Variants in MAPRE3 observed in about 807,000 individuals in gnomAD.
MAPRE3 encodes the protein microtubule associated protein RP/EB family member 3.
Under a neutral mutation model 30.5 loss-of-function variants are expected in MAPRE3, and 2 were observed. The ratio of observed to expected loss-of-function variants is 0.07; its 90% CI spans 0.03 to 0.21. The LOEUF is 0.21. Among genes scored for constraint, MAPRE3 ranks in the 10% least tolerant of loss-of-function variants. MAPRE3 has a pLI of 1.00. For missense variants in MAPRE3, 204 were observed against 351.8 expected (o/e 0.58, Z 3.36); for synonymous variants, 110 against 127.7 (o/e 0.86, Z 0.93).
intron 1 of MAPRE3, among the ~76,000 whole-genome samples, chr2:27,000,225 A>G (rs1017801189): frequency 3.3e-5 from 5 of 152,178 alleles, no homozygotes; most frequent in African/African-American, 1.2e-4. Context: ...AATATCAAGT[A>G]AGTACTGACC....
chr2:26,978,700 C>G (rs1489752785), intron 1 of MAPRE3, among the ~76,000 whole-genome samples: 1 of 152,170 alleles, frequency 6.6e-6, no homozygotes, highest in Non-Finnish European at 1.5e-5. Context: ...ACAGATTATT[C>G]ATATAAATTT....
In MAPRE3 at chr2:27,020,069, G is replaced by A. The variant is rs148801323; in HGVS notation, c.-7-2143G>A. Among the ~76,000 whole-genome samples the A allele has an allele frequency of 1.6e-3, 251 of 152,330 alleles. 1 individual carries two copies. The highest frequency in any genetic ancestry group is 5.9e-3 in the African/African-American group (244 of 41,566). ...CAGCTGATCCCCATATAGTCCCACT[G>A]CGCAGGTCTGGGGCCACAATTGAGA... On this transcript the variant is annotated intron_variant, in intron 1 of 6. Transcript: ENST00000233121.
chr2:26,983,636 G>T (rs1252401557), intron 1 of MAPRE3, among the ~76,000 whole-genome samples: 2 of 152,158 alleles, frequency 1.3e-5, no homozygotes, highest in Non-Finnish European at 2.9e-5. Flanking sequence ...AACTCAGATG[G>T]TTCTCCCAGT....
intron 1 of MAPRE3, among the ~76,000 whole-genome samples, chr2:27,020,788 G>A (rs116366107): frequency 3.1e-3 from 473 of 152,284 alleles, no homozygotes; most frequent in African/African-American, 0.011. Flanking sequence ...GGGGGAGGGC[G>A]GTGGCCAGAC....
chr2:26,993,480 G>A lies in MAPRE3; in HGVS notation c.-8+22678G>A, dbSNP rs148475517. Among the ~76,000 whole-genome samples the A allele has an allele frequency of 5.3e-3, 800 of 152,308 alleles. 7 individuals carry two copies. The highest frequency in any genetic ancestry group is 0.02 in the Middle Eastern group (6 of 294). ...CATCAGTCACTTCAGGCTGTTTGGT[G>A]TCAAAATTACAGAGTCCCCCACCAT... is the stretch of plus-strand genomic sequence containing the variant. On this transcript the variant is annotated intron_variant, in intron 1 of 6. Coordinates refer to ENST00000233121, the MANE Select transcript of MAPRE3 (RefSeq NM_012326.4).
At chr2:26,992,413 TG>T (rs1666363088) in intron 1 of MAPRE3, among the ~76,000 whole-genome samples, 1 of 151,972 alleles carries the variant, frequency 6.6e-6, no homozygotes, top group African/African-American at 2.4e-5. Context: ...TTAGTAGAGA[TG>T]GGGTTTCTCC....
At chr2:26,993,521 C>T (rs1666394377) in intron 1 of MAPRE3, among the ~76,000 whole-genome samples, 1 of 152,206 alleles carries the variant, frequency 6.6e-6, no homozygotes, top group African/African-American at 2.4e-5. Context: ...ACCAGTTTCT[C>T]TACTTAGAGC....
chr2:27,022,568 T>C, intron 2 of MAPRE3: 1 of 510,288 alleles, frequency 2.0e-6, no homozygotes, highest in African/African-American at 1.9e-5. Context: ...TGGTATAGCC[T>C]ACTACTCCTA....
chr2:26,995,509 G>A (rs941428582), intron 1 of MAPRE3: 2 of 152,186 alleles, frequency 1.3e-5, no homozygotes, highest in Non-Finnish European at 2.9e-5. Context: ...CAAGACTCAA[G>A]AGCCAGCTGT....
At position 27,026,336 on chromosome 2, in the gene MAPRE3, G is replaced by C; in HGVS notation, c.834G>C (p.Gln278His). ...DEIEEHQQED[Q>H]DEY ...TTGAAGAGCATCAACAAGAAGACCA[G>C]GACGAGTACTGAGGGCGGCCGCAGC... Residue 278 changes from glutamine to histidine, a missense_variant, in exon 7 of 7, where the codon CAG becomes CAC. Coordinates refer to ENST00000233121, the MANE Select transcript of MAPRE3 (RefSeq NM_012326.4). The C allele has an allele frequency of 6.2e-7, 1 of 1,613,984 alleles. No homozygotes were observed. Among genetic ancestry groups the C allele is most frequent in the East Asian group, 2.2e-5 (1 of 44,888 alleles).
At chr2:27,014,311 C>A (rs1014488283) in intron 1 of MAPRE3, among the ~76,000 whole-genome samples, 11 of 152,316 alleles carry the variant, frequency 7.2e-5, no homozygotes, top group Admixed American at 5.9e-4. Flanking sequence ...CCTTCCCTGG[C>A]TAGCAGCTAC....
intron 1 of MAPRE3, chr2:27,011,770 AG>A (rs1666861392): frequency 7.5e-6 from 1 of 134,068 alleles, no homozygotes; most frequent in Admixed American, 8.3e-5. Context: ...TGCTTGAACC[AG>A]GGAGGTATAG....
intron 1 of MAPRE3, among the ~76,000 whole-genome samples, chr2:27,018,231 CCT>C (rs1667029924): frequency 6.6e-6 from 1 of 152,196 alleles, no homozygotes; most frequent in Non-Finnish European, 1.5e-5. Context: ...CCCTCTGAGG[CCT>C]GTCAGCCACA....
Position 27,026,397 on chromosome 2 carries a change from C to T in MAPRE3, c.*49C>T. The T allele has an allele frequency of 2.1e-6, 3 of 1,454,754 alleles. No individual in the cohort carries two copies. Among genetic ancestry groups the T allele is most frequent in the Non-Finnish European group, 2.9e-6 (3 of 1,044,860 alleles). The allele number at this position is 1,454,754 out of a possible 1,614,324, so 90.1% of individuals were successfully genotyped here. ...TGCACAGCTTCCCCGTGCCTCCCTC[C>T]CTGCTCCACTCCCACATTATAGTCC... On this transcript the variant is annotated 3_prime_UTR_variant, in exon 7 of 7. Coordinates refer to ENST00000233121, the MANE Select transcript of MAPRE3 (RefSeq NM_012326.4).
At position 26,985,794 on chromosome 2, in the gene MAPRE3, C is replaced by G. The variant is rs926929358; in HGVS notation, c.-8+14992C>G. On this transcript the variant is annotated intron_variant, in intron 1 of 6. Coordinates refer to ENST00000233121, the MANE Select transcript of MAPRE3 (RefSeq NM_012326.4). The surrounding 1 kb of genome is among the most constrained non-coding windows in gnomAD (Gnocchi z 4.2). ...GGGCCCTAAATGCAATCATATGTAT[C>G]TTTATAAGCAGGAGGACAGAGGGGT... Among the ~76,000 whole-genome samples the G allele has an allele frequency of 1.3e-5, 2 of 152,056 alleles. No homozygotes were observed. Among genetic ancestry groups the G allele is most frequent in the Admixed American group, 6.5e-5 (1 of 15,280 alleles).
intron 1 of MAPRE3, among the ~76,000 whole-genome samples, chr2:26,989,573 G>A (rs1049795896): frequency 6.6e-6 from 1 of 152,156 alleles, no homozygotes; most frequent in African/African-American, 2.4e-5. Flanking sequence ...TCAGAGTTGG[G>A]AATACTTTGA....
At chr2:27,005,932 C>T (rs1234626073) in intron 1 of MAPRE3, among the ~76,000 whole-genome samples, 1 of 152,134 alleles carries the variant, frequency 6.6e-6, no homozygotes, top group African/African-American at 2.4e-5. Context: ...CCTGTAATCC[C>T]AGCACTTTGG....
At chr2:27,025,787 G>A (rs764988411) in intron 5 of MAPRE3, 50 bp downstream of exon 5, 1 of 1,613,878 alleles carries the variant, frequency 6.2e-7, no homozygotes, top group East Asian at 2.2e-5. Flanking sequence ...ACCAAAGCCA[G>A]GCCCTTGGGG....
chr2:27,015,658 TA>T lies in MAPRE3; in HGVS notation c.-7-6552del, dbSNP rs1666966451. ...AGACTGAGGGCCCCTAAATTACCCT[TA>T]AGACATATTTGTGGAAGACAGATTT... On this transcript the variant is annotated intron_variant, in intron 1 of 6. Transcript: ENST00000233121. This position sits in a 1 kb window ranked among gnomAD's most constrained non-coding sequence, Gnocchi z 4.0. 6.6e-6 allele frequency among the ~76,000 whole-genome samples: 1 copy of T among 152,150 alleles called. No homozygotes were observed. The highest frequency in any genetic ancestry group is 2.4e-5 in the African/African-American group (1 of 41,426).
Sources: allele counts gnomAD v4.1 joint callset (sites outside exome capture counted in the v4.1 genomes callset), GRCh38; gene constraint gnomAD v4.1.1; non-coding constraint Gnocchi (gnomAD v3.1); transcripts MANE v1.5; gene names NCBI Gene and HGNC (gene_info 2026-07-23, HGNC 2026-07-21).